The following RBM34 variants were observed in gnomAD, a reference collection of about 807,000 sequenced individuals.
The protein encoded by RBM34 is RNA-binding protein 34.
A neutral mutation model predicts 44.6 loss-of-function variants in RBM34; 39 were observed. The observed-to-expected ratio is 0.87, with a 90% CI of 0.68 to 1.14. The LOEUF (loss-of-function observed/expected upper bound fraction) is 1.14, where lower values mean the gene tolerates loss of function less well. Ranked by LOEUF, RBM34 falls within the 50% of genes most tolerant of loss-of-function variation. RBM34 has a pLI of 0.00. For missense variants in RBM34, 572 were observed against 517.9 expected (o/e 1.10, Z -1.01); for synonymous variants, 194 against 184.0 (o/e 1.05, Z -0.44).
intron 3 of RBM34, among the ~76,000 whole-genome samples, chr1:235,155,390 G>A (rs1457260055): frequency 6.6e-6 from 1 of 151,636 alleles, no homozygotes; most frequent in Non-Finnish European, 1.5e-5. Context: ...CACCCAGGCT[G>A]GAGTGTAGCA....
intron 3 of RBM34, among the ~76,000 whole-genome samples, chr1:235,155,407 T>C (rs1031301016): frequency 2.3e-4 from 35 of 151,534 alleles, no homozygotes; most frequent in African/African-American, 8.2e-4. Flanking sequence ...AGCAGCGTAA[T>C]CACAGCTCAC....
chr1:235,148,499 A>C, intron 5 of RBM34, 52 bp from the exon 6 acceptor site: 1 of 1,394,706 alleles, frequency 7.2e-7, no homozygotes, highest in Non-Finnish European at 9.8e-7. Context: ...GTATTACCTC[A>C]AATTAATATT....
chr1:235,151,309 T>C (rs1662148707), intron 5 of RBM34, among the ~76,000 whole-genome samples: 1 of 151,874 alleles, frequency 6.6e-6, no homozygotes, highest in Middle Eastern at 3.2e-3. Flanking sequence ...GGGGTGAGAA[T>C]GGATGGAAGT....
chr1:235,160,956 C>A lies in RBM34; in HGVS notation c.165G>T (p.Arg55=), dbSNP rs371972653. The A allele has an allele frequency of 1.3e-5, 21 of 1,614,048 alleles. No homozygotes were observed. In the African/African-American group the frequency reaches 2.1e-4, roughly 16 times the overall value. Residue 55 remains arginine (R), a synonymous_variant, in exon 2 of 11, where the codon CGG becomes CGT. Coordinates refer to ENST00000408888, the MANE Select transcript of RBM34 (RefSeq NM_015014.4). ...CCAGAGAACTGAAGAGGGACGCCAG[C>A]CGACCGGTGCCACCTCTGGAATGGT... ...GEHHSRGGTG[R]LASLFSSLEP...
At chr1:235,150,445 A>G (rs1345452442) in intron 5 of RBM34, among the ~76,000 whole-genome samples, 3 of 152,220 alleles carry the variant, frequency 2.0e-5, no homozygotes, top group Non-Finnish European at 4.4e-5. Context: ...GCAGAGGAAA[A>G]AATATCACTT....
Position 235,154,999 on chromosome 1 carries a change from T to C in RBM34, c.479A>G (p.Asp160Gly), listed in dbSNP as rs1662334535. The change falls in exon 4 of 11, where the codon GAC becomes GGC. Residue 160 changes from aspartate to glycine, a missense_variant. Transcript: ENST00000408888. ...VKVADRKILDDTEDTVVSQRK... is the reference protein window; with the variant it reads ...VKVADRKILDGTEDTVVSQRK... Reference sequence around the variant, plus strand: ...TTGACTGACAACTGTGTCTTCTGTGTCATCAAGTATTTTTCTATCTGCTAC... The same window carrying C: ...TTGACTGACAACTGTGTCTTCTGTGCCATCAAGTATTTTTCTATCTGCTAC... 1 of 1,614,074 alleles carries C rather than the reference T, an allele frequency of 6.2e-7. No homozygotes were observed. Among genetic ancestry groups the C allele is most frequent in the Admixed American group, 1.7e-5 (1 of 60,016 alleles).
chr1:235,132,946 G>A (rs1661277783), intron 10 of RBM34, among the ~76,000 whole-genome samples: 1 of 152,160 alleles, frequency 6.6e-6, no homozygotes, highest in Non-Finnish European at 1.5e-5. Flanking sequence ...AAGCTACCAG[G>A]CAATTCTCAT....
intron 8 of RBM34, among the ~76,000 whole-genome samples, chr1:235,137,246 C>A (rs1426485781): frequency 6.6e-6 from 1 of 152,222 alleles, no homozygotes; most frequent in Admixed American, 6.5e-5. Flanking sequence ...AACTGCATCT[C>A]TGACAGAGTG....
chr1:235,144,390 GT>G (rs1335566388), intron 6 of RBM34, among the ~76,000 whole-genome samples: 1 of 150,906 alleles, frequency 6.6e-6, no homozygotes, highest in Non-Finnish European at 1.5e-5. Flanking sequence ...ATGATAAAGT[GT>G]TTGGTATCTG....
chr1:235,138,227 T>A (rs1661515293), intron 6 of RBM34, 53 bp from the exon 7 acceptor site: 1 of 1,461,516 alleles, frequency 6.8e-7, no homozygotes, highest in Non-Finnish European at 9.3e-7. Context: ...GGTAAATTTC[T>A]TAGCCTCAAA....
At position 235,161,024 on chromosome 1, in the gene RBM34, A is replaced by C; in HGVS notation, c.97T>G (p.Tyr33Asp). The change falls in exon 2 of 11, where the codon TAC becomes GAC. Residue 33 changes from tyrosine (Y) to aspartate (D), a missense_variant. Transcript: ENST00000408888. ...DGVRGSPPED[Y>D]RLGQVASSLF... ...CTACTGGCGACCTGTCCAAGCCTGT[A>C]GTCTTCCGGCGGACTCCCGCGAACG... The C allele has an allele frequency of 6.2e-7, 1 of 1,614,064 alleles. No individual in the cohort carries two copies. The highest frequency in any genetic ancestry group is 8.5e-7 in the Non-Finnish European group (1 of 1,179,992).
rs564322420 is a variant in RBM34, at chr1:235,136,068, G to A, written c.855C>T (p.Asp285=). ...VDLASETSSR[D]KRSVFVGNLP... Reference sequence around the variant, plus strand: ...GATTCCCCACAAAAACCGATCTCTTGTCTCTCTGAAACAAAAAGACAGTTA... The same window carrying A: ...GATTCCCCACAAAAACCGATCTCTTATCTCTCTGAAACAAAAAGACAGTTA... Residue 285 remains aspartate (D), a synonymous_variant, in exon 9 of 11, where the codon GAC becomes GAT. Transcript: ENST00000408888. 68 of 1,600,016 alleles carry A rather than the reference G, an allele frequency of 4.2e-5. 1 individual carries two copies. The South Asian group carries it at 7.0e-4, about 16-fold the overall frequency.
Position 235,131,811 on chromosome 1 carries a change from T to G in RBM34, c.1195A>C (p.Lys399Gln), listed in dbSNP as rs1209982649. The change falls in exon 11 of 11, where the codon AAA becomes CAA. Residue 399 changes from lysine to glutamine, a missense_variant. Coordinates refer to ENST00000408888, the MANE Select transcript of RBM34 (RefSeq NM_015014.4). ...FTSKTAEGHP[K>Q]SLFIGEKAVL... is the part of the protein sequence containing the mutation. ...GCTTTTTCTCCAATAAATAAGCTTT[T>G]AGGATGTCCTTCTGCAGTTTTGGAA... The G allele has an allele frequency of 6.2e-7, 1 of 1,614,192 alleles. No homozygotes were observed. Among genetic ancestry groups the G allele is most frequent in the Non-Finnish European group, 8.5e-7 (1 of 1,180,024 alleles).
rs79176394 is a variant in RBM34 at position 235,138,364 on chromosome 1, A to G, written c.702-190T>C. Among the ~76,000 whole-genome samples the G allele has an allele frequency of 1.9e-3, 295 of 152,346 alleles. 2 individuals carry two copies. The highest frequency in any genetic ancestry group is 6.9e-3 in the African/African-American group (285 of 41,584). On this transcript the variant is annotated intron_variant, in intron 6 of 10. Coordinates refer to ENST00000408888, the MANE Select transcript of RBM34 (RefSeq NM_015014.4). ...AAAAAATAACACACAACTTATAAAGATATTAGTGGAGACACAACCCATACT... is the reference window on the plus strand; with the variant it reads ...AAAAAATAACACACAACTTATAAAGGTATTAGTGGAGACACAACCCATACT...
At chr1:235,156,093 C>T (rs1288995898) in intron 3 of RBM34, among the ~76,000 whole-genome samples, 1 of 150,736 alleles carries the variant, frequency 6.6e-6, no homozygotes, top group African/African-American at 2.4e-5. Flanking sequence ...TGGTCTCGAA[C>T]TCCTGACCTC....
At chr1:235,142,853 G>A (rs929548251) in intron 6 of RBM34, among the ~76,000 whole-genome samples, 4 of 149,274 alleles carry the variant, frequency 2.7e-5, no homozygotes, top group Admixed American at 6.7e-5. Flanking sequence ...AGTTGAACCC[G>A]GGAGGCGGAG....
At chr1:235,142,926 CA>C (rs34015202) in intron 6 of RBM34, among the ~76,000 whole-genome samples, 17,937 of 65,778 alleles carry the variant, frequency 0.27, 1,022 homozygotes, top group South Asian at 0.42. Context: ...GGATCCATCT[CA>C]AAAAAAAAAA....
intron 5 of RBM34, among the ~76,000 whole-genome samples, chr1:235,149,413 A>C (rs1012773791): frequency 1.3e-5 from 2 of 151,922 alleles, no homozygotes; most frequent in Non-Finnish European, 2.9e-5. Flanking sequence ...AAAAAGGAAA[A>C]ATGTTAAGGA....
At chr1:235,153,507 C>G (rs1256984065) in intron 4 of RBM34, among the ~76,000 whole-genome samples, 1 of 151,978 alleles carries the variant, frequency 6.6e-6, no homozygotes, top group Non-Finnish European at 1.5e-5. Flanking sequence ...CTTCTGCAAC[C>G]TCCCCCTCCT....
Sources: allele counts gnomAD v4.1 joint callset (sites outside exome capture counted in the v4.1 genomes callset), GRCh38; gene constraint gnomAD v4.1.1; transcripts MANE v1.5; gene names NCBI Gene and HGNC (gene_info 2026-07-23, HGNC 2026-07-21).